Variants in DMD observed in about 807,000 individuals in gnomAD.
DMD encodes the protein dystrophin.
In DMD, 63 loss-of-function variants were observed where a neutral mutation model predicts 330.1. The observed-to-expected ratio is 0.19, with a 90% confidence interval of 0.16 to 0.24. The LOEUF is 0.24. DMD is among the 10% of genes least tolerant of loss of function. The pLI is 1.00. For missense variants in DMD, 3,344 were observed against 2,684.1 expected, an observed-to-expected ratio of 1.25 and a Z score of -5.43; for synonymous variants, 1,223 against 959.8, an observed-to-expected ratio of 1.27 and a Z score of -5.07.
At chrX:32,657,867 T>A (rs2060687608) in intron 9 of DMD, among the ~76,000 whole-genome samples, 1 of 111,692 alleles carries the variant, frequency 9.0e-6, no homozygotes, top group African/African-American at 3.3e-5. Flanking sequence ...GTCTTATTTA[T>A]TTTAATCAGT....
At chrX:32,086,290 T>G (rs2096438402) in intron 44 of DMD, among the ~76,000 whole-genome samples, 2 of 112,049 alleles carry the variant, frequency 1.8e-5, no homozygotes, top group East Asian at 5.6e-4. Context: ...CACTTTTTAT[T>G]GTATATGCAC....
At chrX:31,770,297 C>A (rs1023238911) in intron 51 of DMD, among the ~76,000 whole-genome samples, 2 of 112,093 alleles carry the variant, frequency 1.8e-5, no homozygotes, top group South Asian at 7.4e-4. Context: ...GTTGCCACTG[C>A]CTGTAGGCCA....
At chrX:31,819,719 T>A (rs2092712061) in intron 50 of DMD, among the ~76,000 whole-genome samples, 1 of 112,757 alleles carries the variant, frequency 8.9e-6, no homozygotes, top group African/African-American at 3.2e-5. Flanking sequence ...TCTCCCACAA[T>A]CTCCCTTGTG....
chrX:32,303,355 T>A (rs2097529890), intron 42 of DMD, among the ~76,000 whole-genome samples: 1 of 111,118 alleles, frequency 9.0e-6, no homozygotes, highest in South Asian at 3.7e-4. Flanking sequence ...GGTGCTGTTC[T>A]AGGAGTTCTA....
intron 63 of DMD, among the ~76,000 whole-genome samples, chrX:31,228,029 T>G (rs1404806248): frequency 1.9e-5 from 2 of 103,955 alleles, no homozygotes; most frequent in Non-Finnish European, 3.9e-5. Flanking sequence ...ACACCGCATA[T>G]TCTCACTCAT....
chrX:32,907,932 C>A (rs1243987039), intron 2 of DMD, among the ~76,000 whole-genome samples: 1 of 110,507 alleles, frequency 9.0e-6, no homozygotes, highest in African/African-American at 3.3e-5. Context: ...CTGTTAAACA[C>A]AAAATCAGGT....
intron 2 of DMD, among the ~76,000 whole-genome samples, chrX:32,867,790 T>A (rs2082629970): frequency 8.9e-6 from 1 of 112,195 alleles, no homozygotes; most frequent in South Asian, 3.7e-4. Flanking sequence ...CTCACTCACC[T>A]GGCTGAATGA....
At chrX:32,931,457 A>G (rs773990716) in intron 2 of DMD, among the ~76,000 whole-genome samples, 1 of 112,116 alleles carries the variant, frequency 8.9e-6, no homozygotes, top group East Asian at 2.8e-4. Flanking sequence ...CAAATAAATT[A>G]GAAAATAGAG....
chrX:32,518,574 T>C (rs1360323049), intron 17 of DMD, among the ~76,000 whole-genome samples: 1 of 111,642 alleles, frequency 9.0e-6, no homozygotes, highest in East Asian at 2.8e-4. Context: ...CGTGACTTTC[T>C]ATCACAAATG....
At chrX:31,906,344 T>C (rs1340347483) in intron 47 of DMD, among the ~76,000 whole-genome samples, 1 of 112,136 alleles carries the variant, frequency 8.9e-6, no homozygotes, top group Non-Finnish European at 1.9e-5. Context: ...CAGACTGATA[T>C]ATTTCATTCC....
intron 7 of DMD, among the ~76,000 whole-genome samples, chrX:32,801,429 T>C (rs756627813): frequency 6.3e-5 from 7 of 111,842 alleles, no homozygotes; most frequent in African/African-American, 9.8e-5. Flanking sequence ...GTCAGATAGA[T>C]AGATTGCAAA....
chrX:33,208,027 A>G (rs1385308989), intron 1 of DMD, among the ~76,000 whole-genome samples: 12 of 111,469 alleles, frequency 1.1e-4, no homozygotes, highest in Non-Finnish European at 2.1e-4. Flanking sequence ...TCTGAATCCA[A>G]TCAAAACCTG....
intron 64 of DMD, among the ~76,000 whole-genome samples, chrX:31,222,057 G>T (rs1393831689): frequency 4.5e-5 from 5 of 110,852 alleles, no homozygotes; most frequent in Admixed American, 2.9e-4. Flanking sequence ...TTAGCCAGGC[G>T]TGGTGGTGGG....
intron 28 of DMD, 58 bp from the exon 29 acceptor site, chrX:32,438,448 A>C: frequency 8.8e-7 from 1 of 1,133,074 alleles, no homozygotes; most frequent in Non-Finnish European, 1.2e-6. Context: ...ACATTGGATT[A>C]TCAGCAAATG....
intron 6 of DMD, among the ~76,000 whole-genome samples, chrX:32,813,793 A>G (rs2077536430): frequency 9.0e-6 from 1 of 111,724 alleles, no homozygotes; most frequent in African/African-American, 3.2e-5. Context: ...ATATTGGTCA[A>G]AAGTTCCTTT....
In DMD at chrX:31,163,766, G is replaced by A. The variant is rs779575237; in HGVS notation, c.10553+5677C>T. Among the ~76,000 whole-genome samples, 4 of 111,652 alleles carry A rather than the reference G, an allele frequency of 3.6e-5. No individual in the cohort carries two copies. In the Admixed American group the frequency reaches 3.8e-4, roughly 11 times the overall value. On this transcript the variant is annotated intron_variant, in intron 74 of 78. Coordinates refer to ENST00000357033, the MANE Select transcript of DMD (RefSeq NM_004006.3). ...TCTCTCCTGCCTCCTGTGGGAAAAT[G>A]CTCCCATCATTCCCAAGCTCTGCCC...
intron 11 of DMD, among the ~76,000 whole-genome samples, chrX:32,639,438 T>C (rs2059308053): frequency 8.9e-6 from 1 of 112,146 alleles, no homozygotes; most frequent in South Asian, 3.7e-4. Flanking sequence ...ATCAATATTC[T>C]CTTGTTTTAA....
At chrX:32,814,060 C>G (rs61511407) in intron 6 of DMD, among the ~76,000 whole-genome samples, 2,048 of 111,070 alleles carry the variant, frequency 0.018, 48 homozygotes, top group African/African-American at 0.063. Flanking sequence ...GTGACTGCAT[C>G]TAAGAATTGA....
Position 32,769,839 on chromosome X carries a change from TTATAATAAA to T in DMD, c.649+39645_649+39653del, listed in dbSNP as rs752078212. 4.8e-4 allele frequency among the ~76,000 whole-genome samples: 53 copies of T among 109,956 alleles called. No homozygotes were observed. The East Asian group carries it at 0.015, about 31-fold the overall frequency. Reference sequence around the variant, plus strand: ...CCAGAAAAAAAAAAAAACAGGAGGCTTATAATAAATATGACATTTTATCTTTGAAATATA... The same window carrying T: ...CCAGAAAAAAAAAAAAACAGGAGGCTTATGACATTTTATCTTTGAAATATA... On this transcript the variant is annotated intron_variant, in intron 7 of 78. Transcript: ENST00000357033.
Sources: gnomAD v4.1 joint callset for allele counts (sites outside exome capture counted in the v4.1 genomes callset) on GRCh38, gnomAD v4.1.1 for gene constraint, MANE v1.5 for transcripts, NCBI Gene and HGNC (gene_info 2026-07-23, HGNC 2026-07-21) for gene names.